Variants in RANBP2 observed in about 807,000 individuals in gnomAD.
The protein encoded by RANBP2 is RAN binding protein 2, also known as E3 SUMO-protein ligase RanBP2.
A neutral mutation model predicts 303.6 loss-of-function variants in RANBP2; 57 were observed. The observed-to-expected ratio is 0.19, with a 90% CI of 0.15 to 0.23. The LOEUF is 0.23. Ranked by LOEUF, RANBP2 falls within the 10% of genes least tolerant of loss-of-function variation. The probability of loss-of-function intolerance (pLI) is 1.00; values close to 1 mark genes in which losing one functional copy is unlikely to be tolerated. For synonymous variants in RANBP2, 1,167 were observed against 1,301.5 expected, an observed-to-expected ratio of 0.90 and a Z score of 2.23; for missense variants, 3,138 against 3,780.8, an observed-to-expected ratio of 0.83 and a Z score of 4.46.
the RANBP2 span, among the ~76,000 whole-genome samples, chr2:109,216,052 A>G: frequency 1.3e-4 from 20 of 152,160 alleles, no homozygotes; most frequent in African/African-American, 4.8e-4. Context: ...AGGAACAGGT[A>G]AGACAGCCAA....
chr2:108,719,918 AC>A (rs1162009589), intron 1 of RANBP2, among the ~76,000 whole-genome samples: 1 of 150,236 alleles, frequency 6.7e-6, no homozygotes, highest in African/African-American at 2.5e-5. Context: ...CTTGTTCCCG[AC>A]GCTTGTTCCC....
the RANBP2 span, among the ~76,000 whole-genome samples, chr2:109,250,312 C>T: frequency 6.6e-6 from 1 of 151,946 alleles, no homozygotes; most frequent in Non-Finnish European, 1.5e-5. Flanking sequence ...TGGACAGAGC[C>T]AACGTGGGGG....
At chr2:109,451,487 A>G in the RANBP2 span, among the ~76,000 whole-genome samples, 1 of 152,312 alleles carries the variant, frequency 6.6e-6, no homozygotes, top group South Asian at 2.1e-4. Flanking sequence ...TGTGAAGCAA[A>G]TGGGACTGGC....
the RANBP2 span, among the ~76,000 whole-genome samples, chr2:109,485,904 G>C: frequency 1.3e-5 from 2 of 152,356 alleles, no homozygotes; most frequent in East Asian, 3.9e-4. Context: ...CCTGGCCCTT[G>C]ATCTCCTACA....
the RANBP2 span, among the ~76,000 whole-genome samples, chr2:109,091,103 C>T: frequency 0.022 from 3,309 of 152,226 alleles, 41 homozygotes; most frequent in Non-Finnish European, 0.034. Flanking sequence ...TGGTGGTACA[C>T]GCCTGTAGTC....
chr2:109,615,915 C>G, the RANBP2 span: 2 of 1,609,310 alleles, frequency 1.2e-6, no homozygotes, highest in Non-Finnish European at 1.7e-6. Flanking sequence ...CAACAAAATC[C>G]GATTCAGAAC....
At chr2:108,922,517 G>A in the RANBP2 span, among the ~76,000 whole-genome samples, 4 of 152,170 alleles carry the variant, frequency 2.6e-5, no homozygotes, top group Non-Finnish European at 4.4e-5. Flanking sequence ...GAGATGCTGC[G>A]CCCCATTCCT....
chr2:109,069,062 T>C, the RANBP2 span, among the ~76,000 whole-genome samples: 2 of 152,196 alleles, frequency 1.3e-5, no homozygotes, highest in Non-Finnish European at 2.9e-5. Context: ...TAAAATACAT[T>C]GCACATAACA....
chr2:108,922,532 C>T, the RANBP2 span, among the ~76,000 whole-genome samples: 2 of 152,294 alleles, frequency 1.3e-5, no homozygotes, highest in African/African-American at 2.4e-5. Flanking sequence ...ATTCCTGCTC[C>T]TCCCCTTCTT....
chr2:109,170,166 G>A, the RANBP2 span, among the ~76,000 whole-genome samples: 7 of 151,920 alleles, frequency 4.6e-5, no homozygotes, highest in African/African-American at 1.7e-4. Flanking sequence ...TACCATCGTC[G>A]GCTCTTGTTT....
chr2:108,961,634 C>T, the RANBP2 span, among the ~76,000 whole-genome samples: 286 of 152,306 alleles, frequency 1.9e-3, 1 homozygote, highest in African/African-American at 6.3e-3. Flanking sequence ...GTTATTGTTA[C>T]GTTTTCTTTT....
chr2:109,762,567 GCT>G, the RANBP2 span, among the ~76,000 whole-genome samples: 1 of 119,168 alleles, frequency 8.4e-6, no homozygotes, highest in Non-Finnish European at 1.7e-5. Context: ...CAGAACCTGA[GCT>G]CTGTTTCCTT....
intron 2 of RANBP2, among the ~76,000 whole-genome samples, chr2:108,729,899 T>G (rs1018704695): frequency 6.6e-6 from 1 of 152,016 alleles, no homozygotes; most frequent in Non-Finnish European, 1.5e-5. Flanking sequence ...TTTGCATTTT[T>G]TGGTAGAGAC....
At chr2:109,269,733 C>G in the RANBP2 span, among the ~76,000 whole-genome samples, 3 of 152,174 alleles carry the variant, frequency 2.0e-5, no homozygotes, top group African/African-American at 7.2e-5. Flanking sequence ...GAGGTGAGAT[C>G]GTGCCACTGC....
At chr2:109,210,653 T>G in the RANBP2 span, among the ~76,000 whole-genome samples, 1 of 151,264 alleles carries the variant, frequency 6.6e-6, no homozygotes, top group African/African-American at 2.4e-5. Context: ...AGGGGAGAGG[T>G]GGGGTCTGAT....
chr2:109,170,229 CTTCTCTTCTT>C, the RANBP2 span, among the ~76,000 whole-genome samples: 795 of 72,966 alleles, frequency 0.011, 6 homozygotes, highest in East Asian at 0.064. Context: ...TTTCTCTTCT[CTTCTCTTCTT>C]TTCTTTTCTC....
the RANBP2 span, among the ~76,000 whole-genome samples, chr2:109,519,853 G>A: frequency 6.6e-6 from 1 of 150,638 alleles, no homozygotes; most frequent in Non-Finnish European, 1.5e-5. Flanking sequence ...TGGAGAACAG[G>A]TGAGTGGTTG....
chr2:108,981,400 C>T, the RANBP2 span, among the ~76,000 whole-genome samples: 5 of 152,158 alleles, frequency 3.3e-5, no homozygotes, highest in African/African-American at 7.2e-5. Flanking sequence ...TTGTCTGGCG[C>T]GTCTTAGGTC....
chr2:108,839,075 C>G, the RANBP2 span: 2 of 1,187,476 alleles, frequency 1.7e-6, no homozygotes, highest in Non-Finnish European at 1.1e-6. Context: ...TTGGAGAACT[C>G]TTTTGTTTTG....
Sources: gnomAD v4.1 joint callset for allele counts (sites outside exome capture counted in the v4.1 genomes callset) on GRCh38, gnomAD v4.1.1 for gene constraint, MANE v1.5 for transcripts, NCBI Gene and HGNC (gene_info 2026-07-23, HGNC 2026-07-21) for gene names.